Variants in ERI3 observed in about 807,000 individuals in gnomAD.
ERI3 encodes ERI1 exoribonuclease family member 3.
In ERI3, 18 loss-of-function variants were observed where a neutral mutation model predicts 44.4. That is an observed-to-expected ratio of 0.41 (90% CI 0.28 to 0.60). The LOEUF (loss-of-function observed/expected upper bound fraction) is 0.60, where lower values mean the gene tolerates loss of function less well. ERI3 is among the 20% of genes least tolerant of loss of function. The pLI is 0.36. For missense variants in ERI3, 294 were observed against 435.5 expected, an observed-to-expected ratio of 0.68 and a Z score of 2.89; for synonymous variants, 183 against 164.8, an observed-to-expected ratio of 1.11 and a Z score of -0.84.
chr1:44,326,599 G>A (rs965689779), intron 3 of ERI3, among the ~76,000 whole-genome samples: 10 of 152,094 alleles, frequency 6.6e-5, no homozygotes, highest in South Asian at 2.1e-4. Context: ...ATTACCCGTC[G>A]ATTTGTCCGG....
intron 4 of ERI3, among the ~76,000 whole-genome samples, chr1:44,316,444 C>T (rs956621549): frequency 9.2e-5 from 14 of 152,320 alleles, no homozygotes; most frequent in African/African-American, 3.4e-4. Flanking sequence ...TACTGAGATC[C>T]CCTACCCTCA....
rs1645030093 is a variant in ERI3 at position 44,268,388 on chromosome 1, T to C, written c.831+16447A>G. Among the ~76,000 whole-genome samples, 3 of 152,212 alleles carry C rather than the reference T, an allele frequency of 2.0e-5. No individual in the cohort carries two copies. The South Asian group carries it at 6.2e-4, about 32-fold the overall frequency. ...CCCGAACAAGAGAGAAATGTCTTTA[T>C]TAGGGCTGAGGGCACTGTACCATAC... On this transcript the variant is annotated intron_variant, in intron 7 of 8. Transcript: ENST00000372257.
chr1:44,240,065 G>A (rs1644400192), intron 8 of ERI3, among the ~76,000 whole-genome samples: 1 of 152,252 alleles, frequency 6.6e-6, no homozygotes, highest in African/African-American at 2.4e-5. Flanking sequence ...ACCCAGTTTT[G>A]GAGGGGCCTC....
intron 6 of ERI3, among the ~76,000 whole-genome samples, chr1:44,297,363 A>C (rs1339039784): frequency 2.0e-5 from 3 of 151,938 alleles, no homozygotes; most frequent in Non-Finnish European, 4.4e-5. Flanking sequence ...CCCAGCCTTC[A>C]ACTCCTAAGA....
intron 7 of ERI3, among the ~76,000 whole-genome samples, chr1:44,272,930 C>A (rs1389810667): frequency 6.6e-6 from 1 of 150,906 alleles, no homozygotes; most frequent in Admixed American, 6.6e-5. Flanking sequence ...GTTTTTTTTT[C>A]CATTATGTAC....
intron 8 of ERI3, among the ~76,000 whole-genome samples, chr1:44,234,875 T>C (rs1644268356): frequency 6.6e-6 from 1 of 151,968 alleles, no homozygotes; most frequent in African/African-American, 2.4e-5. Flanking sequence ...CCCAAGTAGC[T>C]GGGATTACAC....
At chr1:44,336,419 C>T (rs1646536633) in intron 3 of ERI3, among the ~76,000 whole-genome samples, 1 of 152,248 alleles carries the variant, frequency 6.6e-6, no homozygotes, top group African/African-American at 2.4e-5. Context: ...TAGTCCAACA[C>T]AGATGTCTGG....
intron 3 of ERI3, among the ~76,000 whole-genome samples, chr1:44,337,113 T>C (rs973194055): frequency 1.3e-5 from 2 of 152,226 alleles, no homozygotes; most frequent in Non-Finnish European, 2.9e-5. Flanking sequence ...TTCAGGAATA[T>C]TGGCAGGACC....
Position 44,354,957 on chromosome 1 carries a change from G to A in ERI3, c.70C>T (p.Pro24Ser), listed in dbSNP as rs201995969. 8.8e-4 allele frequency: 1,187 copies of A among 1,344,352 alleles called. 1 individual carries two copies. The highest frequency in any genetic ancestry group is 1.1e-3 in the Non-Finnish European group (1,093 of 1,040,900). 83.3% of individuals were successfully genotyped at this position (1,344,352 alleles called of 1,614,324 possible). A position where few individuals can be genotyped will look rare whatever the true frequency, so the allele number is the denominator to read the frequency against. ...RPWEGGLVSWPPAPPLTLPWT... is the reference protein window; with the variant it reads ...RPWEGGLVSWSPAPPLTLPWT... ...GGGAGAGTAAGGGGAGGGGCGGGGG[G>A]CCAGGAGACCAGCCCTCCTTCCCAG... The change falls in exon 1 of 9, where the codon CCC (proline) becomes TCC (serine). Residue 24 changes from proline to serine, a missense_variant. Physicochemically the swap from Pro to Ser is moderately conservative, Grantham distance 74. Around this residue, in one of 2 missense-constraint regions of ERI3, gnomAD observed 107 missense variants for 96.9 expected, o/e 1.10. Transcript: ENST00000372257.
intron 3 of ERI3, among the ~76,000 whole-genome samples, chr1:44,324,059 A>G (rs1646256043): frequency 6.6e-6 from 1 of 152,210 alleles, no homozygotes; most frequent in Non-Finnish European, 1.5e-5. Context: ...GGCTGCAGTA[A>G]CACAGATGGC....
chr1:44,263,460 C>T (rs1471271124), intron 7 of ERI3, among the ~76,000 whole-genome samples: 1 of 152,242 alleles, frequency 6.6e-6, no homozygotes, highest in Non-Finnish European at 1.5e-5. Context: ...GAATGGATCT[C>T]TGGTCCTTCT....
intron 7 of ERI3, among the ~76,000 whole-genome samples, chr1:44,278,349 C>G (rs1645220553): frequency 6.6e-6 from 1 of 151,982 alleles, no homozygotes; most frequent in Non-Finnish European, 1.5e-5. Flanking sequence ...TGGTAGCACA[C>G]ACCTGCAGTC....
chr1:44,242,941 A>T (rs141058029), intron 8 of ERI3, among the ~76,000 whole-genome samples: 2 of 152,328 alleles, frequency 1.3e-5, no homozygotes, highest in African/African-American at 4.8e-5. Context: ...GGCGGCAGAG[A>T]AAAGGCTGTC....
intron 6 of ERI3, among the ~76,000 whole-genome samples, chr1:44,307,382 T>C (rs1004087987): frequency 2.6e-5 from 4 of 151,916 alleles, no homozygotes; most frequent in Non-Finnish European, 5.9e-5. Context: ...CTCAGCAACA[T>C]CCCACTTTAT....
At chr1:44,244,983 A>T (rs1486656252) in intron 8 of ERI3, among the ~76,000 whole-genome samples, 1 of 151,986 alleles carries the variant, frequency 6.6e-6, no homozygotes, top group Non-Finnish European at 1.5e-5. Flanking sequence ...CCCCCCAGCC[A>T]ATACACATAC....
At chr1:44,267,348 T>G (rs1046232182) in intron 7 of ERI3, among the ~76,000 whole-genome samples, 7 of 152,166 alleles carry the variant, frequency 4.6e-5, no homozygotes, top group African/African-American at 1.7e-4. Flanking sequence ...CTGACCACAG[T>G]AGAAAGGGGC....
intron 7 of ERI3, among the ~76,000 whole-genome samples, chr1:44,264,065 G>A (rs1010270643): frequency 5.9e-5 from 9 of 152,210 alleles, no homozygotes; most frequent in African/African-American, 1.9e-4. Flanking sequence ...CCTCTAGACA[G>A]CCAGTAGCAC....
chr1:44,230,920 GACAATA>G (rs1644168267), intron 8 of ERI3, among the ~76,000 whole-genome samples: 1 of 152,070 alleles, frequency 6.6e-6, no homozygotes. Flanking sequence ...CCTTGTTTCT[GACAATA>G]ACAATAACAA....
In ERI3 at chr1:44,265,879, G is replaced by A. The variant is rs150238180; in HGVS notation, c.832-17841C>T. On this transcript the variant is annotated intron_variant, in intron 7 of 8. Transcript: ENST00000372257. ...AGTTGCTTCAGGCTGGGGCATTTGC[G>A]GGGAAATGAGAAGTAGCTGTTAATG... is the stretch of plus-strand genomic sequence containing the variant. 1.5e-4 allele frequency among the ~76,000 whole-genome samples: 23 copies of A among 152,268 alleles called. No homozygotes were observed. In the East Asian group the frequency reaches 3.7e-3, roughly 24 times the overall value.
Sources: gnomAD v4.1 joint callset for allele counts (sites outside exome capture counted in the v4.1 genomes callset) on GRCh38, gnomAD v4.1.1 for gene constraint, gnomAD v4.1.1 regional missense constraint, MANE v1.5 for transcripts, NCBI Gene and HGNC (gene_info 2026-07-23, HGNC 2026-07-21) for gene names.